The following SMC1B variants were observed in gnomAD, a reference collection of about 807,000 sequenced individuals.
The protein encoded by SMC1B is structural maintenance of chromosomes 1B.
SMC1B carries 60 observed loss-of-function variants against 157.9 expected under a neutral mutation model. The ratio of observed to expected loss-of-function variants is 0.38; its 90% CI spans 0.31 to 0.47. The LOEUF (loss-of-function observed/expected upper bound fraction) is 0.47. Ranked by LOEUF, SMC1B falls within the 20% of genes least tolerant of loss-of-function variation. The probability of loss-of-function intolerance (pLI) is 0.99; values close to 1 mark genes in which losing one functional copy is unlikely to be tolerated. For missense variants in SMC1B, 1,165 were observed against 1,426.2 expected (o/e 0.82, Z 2.95); for synonymous variants, 445 against 483.0 (o/e 0.92, Z 1.03).
chr22:45,369,865 A>T, intron 15 of SMC1B, 89 bp downstream of exon 15: 1 of 803,470 alleles, frequency 1.2e-6, no homozygotes, highest in Non-Finnish European at 2.0e-6. Flanking sequence ...TGATGAAATG[A>T]AACTCAGGCA....
At chr22:45,394,062 C>T (rs1356022085) in intron 8 of SMC1B, among the ~76,000 whole-genome samples, 1 of 152,082 alleles carries the variant, frequency 6.6e-6, no homozygotes, top group East Asian at 1.9e-4. Flanking sequence ...TGGCTCACTC[C>T]TGTAATCCCA....
At chr22:45,374,377 A>C (rs2146800721) in intron 12 of SMC1B, among the ~76,000 whole-genome samples, 1 of 152,302 alleles carries the variant, frequency 6.6e-6, no homozygotes, top group Non-Finnish European at 1.5e-5. Flanking sequence ...GATGTAAAAA[A>C]TTACTCTTGC....
intron 19 of SMC1B, among the ~76,000 whole-genome samples, chr22:45,356,475 G>A (rs996585698): frequency 1.3e-5 from 2 of 152,248 alleles, no homozygotes; most frequent in Non-Finnish European, 2.9e-5. Context: ...TTGCCCCAGA[G>A]AGAAGTCTGT....
In SMC1B at chr22:45,357,353, G is replaced by A. The variant is rs190978835; in HGVS notation, c.2961+1344C>T. On this transcript the variant is annotated intron_variant, in intron 19 of 24. Coordinates refer to ENST00000357450, the MANE Select transcript of SMC1B (RefSeq NM_148674.5). Reference sequence around the variant, plus strand: ...ACAGAGCCAGAGCTGCTCAATTAAAGGCACTAAATAAAGTTAAATTAAAGC... The same window carrying A: ...ACAGAGCCAGAGCTGCTCAATTAAAAGCACTAAATAAAGTTAAATTAAAGC... Among the ~76,000 whole-genome samples, 295 of 152,350 alleles carry A rather than the reference G, an allele frequency of 1.9e-3. 2 individuals are homozygous for A. Among genetic ancestry groups the A allele is most frequent in the Non-Finnish European group, 4.4e-4 (30 of 68,032 alleles).
At position 45,344,485 on chromosome 22, in the gene SMC1B, C is replaced by T. The variant is rs2146745548; in HGVS notation, c.*71G>A. ...CTGGTCCTGCTTGCTCCAGAAGTCT[C>T]CTGTGGAGGAGCTGTGTGAGTATTA... On this transcript the variant is annotated 3_prime_UTR_variant, in exon 25 of 25. Coordinates refer to ENST00000357450, the MANE Select transcript of SMC1B (RefSeq NM_148674.5). The T allele has an allele frequency of 1.8e-6, 2 of 1,119,234 alleles. No individual in the cohort carries two copies. 69.3% of individuals were successfully genotyped at this position (1,119,234 alleles called of 1,614,324 possible). A position where few individuals can be genotyped will look rare whatever the true frequency, so the allele number is the denominator to read the frequency against.
At chr22:45,351,861 CAAAG>C (rs904747663) in intron 22 of SMC1B, among the ~76,000 whole-genome samples, 2 of 152,074 alleles carry the variant, frequency 1.3e-5, no homozygotes, top group African/African-American at 2.4e-5. Context: ...ATTTGTTTTA[CAAAG>C]AAACAGTTCC....
Position 45,344,410 on chromosome 22 carries a change from C to T in SMC1B, c.*146G>A, listed in dbSNP as rs2086529350. 2 of 562,210 alleles carry T rather than the reference C, an allele frequency of 3.6e-6. No homozygotes were observed. The highest frequency in any genetic ancestry group is 2.8e-5 in the Admixed American group (1 of 35,358). 34.8% of individuals were successfully genotyped at this position (562,210 alleles called of 1,614,324 possible). A position where few individuals can be genotyped will look rare whatever the true frequency, so the allele number is the denominator to read the frequency against. On this transcript the variant is annotated 3_prime_UTR_variant, in exon 25 of 25. Coordinates refer to ENST00000357450, the MANE Select transcript of SMC1B (RefSeq NM_148674.5). ...CTGAACACTCAACTAAAGTGAGCCACAGCCTCTTTGGCTAGAACGACTAAG... is the reference window on the plus strand; with the variant it reads ...CTGAACACTCAACTAAAGTGAGCCATAGCCTCTTTGGCTAGAACGACTAAG...
In SMC1B at chr22:45,344,589, T is replaced by C; in HGVS notation, c.3675A>G (p.Gln1225=). The C allele has an allele frequency of 1.2e-6, 2 of 1,614,150 alleles. No homozygotes were observed. Among genetic ancestry groups the C allele is most frequent in the South Asian group, 1.1e-5 (1 of 91,082 alleles). Residue 1225 remains glutamine, a synonymous_variant, in exon 25 of 25, where the codon CAA becomes CAG. Transcript: ENST00000357450. ...ACTCTCCGTGTCTCTTGCTGCTTTC[T>C]TGGCCTTCAGTGTCTGGATACTGAG... is the stretch of plus-strand genomic sequence containing the variant. ...DLSQYPDTEG[Q]ESSKRHGESR is the part of the protein sequence containing the mutation.
chr22:45,400,794 T>C (rs1032556367), intron 5 of SMC1B, among the ~76,000 whole-genome samples: 9 of 152,198 alleles, frequency 5.9e-5, no homozygotes, highest in Admixed American at 3.9e-4. Context: ...ACATGATAAA[T>C]GTCATGTAAC....
chr22:45,383,229 T>A (rs1229863516), intron 12 of SMC1B, among the ~76,000 whole-genome samples: 1 of 152,078 alleles, frequency 6.6e-6, no homozygotes, highest in Non-Finnish European at 1.5e-5. Flanking sequence ...AAATAATACA[T>A]ACACTTGCAC....
At chr22:45,355,809 C>A (rs1296502180) in intron 19 of SMC1B, among the ~76,000 whole-genome samples, 3 of 152,208 alleles carry the variant, frequency 2.0e-5, no homozygotes, top group South Asian at 2.1e-4. Flanking sequence ...GTGGCTCATG[C>A]CTGTAATCCC....
chr22:45,375,997 G>C (rs1238556345), intron 12 of SMC1B, among the ~76,000 whole-genome samples: 1 of 152,010 alleles, frequency 6.6e-6, no homozygotes, highest in East Asian at 1.9e-4. Context: ...AGCCCATCTG[G>C]TCCCAGAGGT....
chr22:45,398,816 C>T lies in SMC1B; in HGVS notation c.1113+279G>A, dbSNP rs143800407. Among the ~76,000 whole-genome samples the T allele has an allele frequency of 2.0e-3, 311 of 151,992 alleles. 2 individuals are homozygous for T. The highest frequency in any genetic ancestry group is 7.1e-3 in the African/African-American group (296 of 41,468). On this transcript the variant is annotated intron_variant, in intron 6 of 24. Coordinates refer to ENST00000357450, the MANE Select transcript of SMC1B (RefSeq NM_148674.5). ...TACACTCCAACCTGGGCAATAAGAG[C>T]GAAACTCCATCTCAAAAACAAACAA... is the stretch of plus-strand genomic sequence containing the variant.
intron 2 of SMC1B, among the ~76,000 whole-genome samples, chr22:45,407,676 C>A (rs536820767): frequency 6.6e-6 from 1 of 152,086 alleles, no homozygotes; most frequent in African/African-American, 2.4e-5. Context: ...CTCAAACTCC[C>A]GAGTTCAAGC....
chr22:45,360,382 G>C (rs2086709501), intron 17 of SMC1B, among the ~76,000 whole-genome samples: 2 of 152,072 alleles, frequency 1.3e-5, no homozygotes, highest in African/African-American at 4.8e-5. Flanking sequence ...GAAAATGAGG[G>C]CTTGGGTTTT....
intron 21 of SMC1B, among the ~76,000 whole-genome samples, chr22:45,352,912 C>A (rs1206727745): frequency 6.6e-6 from 1 of 152,144 alleles, no homozygotes; most frequent in Non-Finnish European, 1.5e-5. Context: ...CTCACTGATA[C>A]GTTCATCAAA....
At chr22:45,399,809 G>T (rs1323315636) in intron 5 of SMC1B, among the ~76,000 whole-genome samples, 2 of 152,198 alleles carry the variant, frequency 1.3e-5, no homozygotes, top group African/African-American at 2.4e-5. Context: ...AAAAGCAAAA[G>T]AATTGTATAT....
chr22:45,406,033 T>C (rs1000592048), intron 4 of SMC1B, among the ~76,000 whole-genome samples: 5 of 152,250 alleles, frequency 3.3e-5, no homozygotes, highest in Non-Finnish European at 7.3e-5. Context: ...ATGAGTTTAT[T>C]GCTATTTTTA....
In SMC1B at chr22:45,354,124, C is replaced by A; in HGVS notation, c.3127G>T (p.Ala1043Ser). Residue 1043 changes from alanine (A) to serine (S), a missense_variant, in exon 21 of 25, where the codon GCC (alanine) becomes TCC (serine). Ala to Ser is a moderately conservative substitution (Grantham distance 99). Coordinates refer to ENST00000357450, the MANE Select transcript of SMC1B (RefSeq NM_148674.5). ...KFQESTDAFEASRKEARLCRQ... is the reference protein window; with the variant it reads ...KFQESTDAFESSRKEARLCRQ... Reference sequence around the variant, plus strand: ...CACAGTCTGGCTTCCTTTCTGCTGGCCTCAAAAGCTAAGAGAGAATCAATG... The same window carrying A: ...CACAGTCTGGCTTCCTTTCTGCTGGACTCAAAAGCTAAGAGAGAATCAATG... 6.4e-7 allele frequency: 1 copy of A among 1,560,614 alleles called. No individual in the cohort carries two copies. The highest frequency in any genetic ancestry group is 1.2e-5 in the South Asian group (1 of 80,648).
Sources: gnomAD v4.1 joint callset for allele counts (sites outside exome capture counted in the v4.1 genomes callset) on GRCh38, gnomAD v4.1.1 for gene constraint, MANE v1.5 for transcripts, NCBI Gene and HGNC (gene_info 2026-07-23, HGNC 2026-07-21) for gene names.